The following USP15 variants were observed in gnomAD, a reference collection of about 807,000 sequenced individuals.
The protein encoded by USP15 is ubiquitin carboxyl-terminal hydrolase 15.
In USP15, 18 loss-of-function variants were observed where a neutral mutation model predicts 127.1. The ratio of observed to expected loss-of-function variants is 0.14; its 90% CI spans 0.10 to 0.21. The LOEUF is 0.21. Ranked by LOEUF, USP15 falls within the 10% of genes least tolerant of loss-of-function variation. USP15 has a pLI of 1.00. For synonymous variants in USP15, 364 were observed against 393.7 expected, an observed-to-expected ratio of 0.92 and a Z score of 0.89; for missense variants, 805 against 1,159.9, an observed-to-expected ratio of 0.69 and a Z score of 4.44.
intron 4 of USP15, among the ~76,000 whole-genome samples, chr12:62,319,222 A>C (rs2064917047): frequency 6.6e-6 from 1 of 152,118 alleles, no homozygotes; most frequent in Non-Finnish European, 1.5e-5. Context: ...ACTTTCAAAC[A>C]ACCAGATCAC....
At chr12:62,327,645 T>C (rs1271980871) in intron 6 of USP15, 1 of 439,688 alleles carries the variant, frequency 2.3e-6, no homozygotes, top group Admixed American at 2.6e-5. Context: ...TTATATTTTC[T>C]TTTATTCCCT....
At position 62,413,693 on chromosome 12, in the gene USP15, G is replaced by C. The variant is rs575032307; in HGVS notation, c.*9318G>C. ...CTGCGTTAGGCTTTGGCTTAAGATAGTGTTGTGGCTGATTTGATCTATTAA... is the reference window on the plus strand; with the variant it reads ...CTGCGTTAGGCTTTGGCTTAAGATACTGTTGTGGCTGATTTGATCTATTAA... On this transcript the variant is annotated 3_prime_UTR_variant, in exon 22 of 22. Transcript: ENST00000280377. The C allele has an allele frequency of 2.0e-5, 3 of 151,268 alleles. No individual in the cohort carries two copies. In the South Asian group the frequency reaches 6.3e-4, roughly 32 times the overall value. The allele number at this position is 151,268 out of a possible 1,614,324, so 9.4% of individuals were successfully genotyped here.
chr12:62,381,769 C>T (rs2066997167), intron 9 of USP15, 106 bp downstream of exon 9: 4 of 1,116,200 alleles, frequency 3.6e-6, no homozygotes, highest in Middle Eastern at 2.1e-4. Context: ...TGGTTTGTGG[C>T]CCTCCAAAGG....
At chr12:62,271,185 C>T (rs183465526) in intron 1 of USP15, among the ~76,000 whole-genome samples, 36 of 152,188 alleles carry the variant, frequency 2.4e-4, no homozygotes, top group Admixed American at 1.2e-3. Flanking sequence ...GCTAAACTCA[C>T]ATTAATCCTT....
intron 1 of USP15, among the ~76,000 whole-genome samples, chr12:62,276,051 C>A (rs1048662155): frequency 2.0e-5 from 3 of 152,008 alleles, no homozygotes; most frequent in Admixed American, 2.0e-4. Flanking sequence ...ATAATATTAA[C>A]ATTATGATAA....
At chr12:62,372,502 G>T (rs1021035336) in intron 8 of USP15, among the ~76,000 whole-genome samples, 5 of 151,816 alleles carry the variant, frequency 3.3e-5, no homozygotes, top group African/African-American at 1.2e-4. Flanking sequence ...TACAAAAATG[G>T]CTTGTTTCTC....
At chr12:62,303,751 T>C (rs2064393611) in intron 3 of USP15, among the ~76,000 whole-genome samples, 1 of 152,212 alleles carries the variant, frequency 6.6e-6, no homozygotes, top group Non-Finnish European at 1.5e-5. Context: ...TATTTGTGTA[T>C]CCATGGTTTT....
At chr12:62,343,281 C>T (rs2065702790) in intron 6 of USP15, among the ~76,000 whole-genome samples, 1 of 152,236 alleles carries the variant, frequency 6.6e-6, no homozygotes, top group South Asian at 2.1e-4. Flanking sequence ...CTCGATCGTC[C>T]CAGGTCAACT....
intron 1 of USP15, among the ~76,000 whole-genome samples, chr12:62,281,462 G>A (rs144142255): frequency 1.1e-3 from 166 of 152,200 alleles, no homozygotes; most frequent in African/African-American, 3.8e-3. Context: ...TCAGCCTCCT[G>A]AGTAGCTGGG....
chr12:62,327,792 G>C, intron 6 of USP15: 1 of 308,282 alleles, frequency 3.2e-6, no homozygotes. Flanking sequence ...TGCTGTACTA[G>C]AGATGACAAA....
At chr12:62,344,030 A>G (rs1455199118) in intron 6 of USP15, among the ~76,000 whole-genome samples, 1 of 152,002 alleles carries the variant, frequency 6.6e-6, no homozygotes, top group Non-Finnish European at 1.5e-5. Flanking sequence ...GAGCCAAACC[A>G]TATCATTCTG....
intron 8 of USP15, among the ~76,000 whole-genome samples, chr12:62,357,206 G>C (rs924807819): frequency 6.6e-6 from 1 of 152,160 alleles, no homozygotes; most frequent in South Asian, 2.1e-4. Flanking sequence ...CCAGCATTCA[G>C]ACTAAATTCC....
At chr12:62,398,710 C>CGT (rs2067578549) in intron 20 of USP15, among the ~76,000 whole-genome samples, 1 of 152,060 alleles carries the variant, frequency 6.6e-6, no homozygotes, top group Non-Finnish European at 1.5e-5. Context: ...GTTCCTTAAA[C>CGT]GTGTGTATGC....
At chr12:62,289,697 T>TTGTGTGTGTGTGTGTGTGTG (rs71450579) in intron 1 of USP15, among the ~76,000 whole-genome samples, 9 of 135,500 alleles carry the variant, frequency 6.6e-5, no homozygotes, top group African/African-American at 1.7e-4. Flanking sequence ...GGTTGTTAAT[T>TTGTGTGTGTGTGTGTGTGTG]TGTGTGTGTG....
chr12:62,298,830 C>CAAAAAAAAAAAAAAA (rs1163091790), intron 2 of USP15, among the ~76,000 whole-genome samples: 1 of 65,066 alleles, frequency 1.5e-5, no homozygotes, highest in African/African-American at 6.2e-5. Context: ...CCCTGTCTTG[C>CAAAAAAAAAAAAAAA]AAAAAAAAAA....
intron 1 of USP15, among the ~76,000 whole-genome samples, chr12:62,274,765 A>T (rs960538767): frequency 6.6e-6 from 1 of 152,196 alleles, no homozygotes; most frequent in Non-Finnish European, 1.5e-5. Context: ...AACACTTTGT[A>T]CGAAAACCTT....
At chr12:62,284,894 A>G (rs2137110063) in intron 1 of USP15, among the ~76,000 whole-genome samples, 1 of 152,238 alleles carries the variant, frequency 6.6e-6, no homozygotes, top group African/African-American at 2.4e-5. Flanking sequence ...ATCTGATGAG[A>G]AGCTAGTTTC....
intron 1 of USP15, among the ~76,000 whole-genome samples, chr12:62,291,871 A>G (rs2063980338): frequency 6.6e-6 from 1 of 152,182 alleles, no homozygotes; most frequent in African/African-American, 2.4e-5. Context: ...AGGGTAGCAG[A>G]GGTCTCAAGA....
At chr12:62,385,094 C>T (rs1207107005) in intron 11 of USP15, among the ~76,000 whole-genome samples, 1 of 151,868 alleles carries the variant, frequency 6.6e-6, no homozygotes, top group Non-Finnish European at 1.5e-5. Context: ...TATCTTTTAT[C>T]CCTAGACTAC....
Sources: gnomAD v4.1 joint callset for allele counts (sites outside exome capture counted in the v4.1 genomes callset) on GRCh38, gnomAD v4.1.1 for gene constraint, MANE v1.5 for transcripts, NCBI Gene and HGNC (gene_info 2026-07-23, HGNC 2026-07-21) for gene names.